The following RREB1 variants were observed in gnomAD, a reference collection of about 807,000 sequenced individuals.
RREB1 encodes ras responsive element binding protein 1.
Under a neutral mutation model 117.8 loss-of-function variants are expected in RREB1, and 27 were observed. That is an observed-to-expected ratio of 0.23 (90% confidence interval 0.17 to 0.32). The LOEUF (loss-of-function observed/expected upper bound fraction) is 0.32. RREB1 is among the 10% of genes least tolerant of loss of function. RREB1 has a pLI of 1.00. For synonymous variants in RREB1, 1,298 were observed against 1,026.7 expected (o/e 1.26, Z -5.05); for missense variants, 2,577 against 2,378.2 (o/e 1.08, Z -1.74).
In RREB1 at chr6:7,211,712, A is replaced by G; in HGVS notation, c.707+3A>G. 6.2e-7 allele frequency: 1 copy of G among 1,614,090 alleles called. No individual in the cohort carries two copies. Among genetic ancestry groups the G allele is most frequent in the Non-Finnish European group, 8.5e-7 (1 of 1,179,902 alleles). ...ACCCATTCAGATAACCCACTAAGGT[A>G]GGAGAAAGAGTGAACTAGACCTTGT... is the stretch of plus-strand genomic sequence containing the variant. On this transcript the variant is annotated splice_donor_region_variant and intron_variant, in intron 8 of 12. Coordinates refer to ENST00000379938, the MANE Select transcript of RREB1 (RefSeq NM_001003699.4).
chr6:7,136,527 C>T, intron 1 of RREB1, among the ~76,000 whole-genome samples: 1 of 152,210 alleles, frequency 6.6e-6, no homozygotes, highest in Non-Finnish European at 1.5e-5. Flanking sequence ...CCGCTATCCT[C>T]AGCTTCCCAA....
chr6:7,162,737 C>A (rs1246508165), intron 1 of RREB1, among the ~76,000 whole-genome samples: 2 of 152,196 alleles, frequency 1.3e-5, no homozygotes, highest in East Asian at 3.8e-4. Flanking sequence ...CCATTTTTCT[C>A]TGCCTACGGA....
At chr6:7,201,290 A>G (rs1215335830) in intron 6 of RREB1, among the ~76,000 whole-genome samples, 1 of 152,156 alleles carries the variant, frequency 6.6e-6, no homozygotes, top group Non-Finnish European at 1.5e-5. Context: ...TAGATCACAA[A>G]ATGAAACCTG....
intron 1 of RREB1, among the ~76,000 whole-genome samples, chr6:7,157,735 T>C (rs1184007119): frequency 6.6e-6 from 1 of 151,756 alleles, no homozygotes; most frequent in Non-Finnish European, 1.5e-5. Flanking sequence ...CCAACCTGGG[T>C]GACAGAGCAA....
chr6:7,146,003 C>T (rs1031519197), intron 1 of RREB1, among the ~76,000 whole-genome samples: 4 of 151,878 alleles, frequency 2.6e-5, no homozygotes, highest in East Asian at 3.9e-4. Flanking sequence ...CTACCCCCTA[C>T]GCCACCTCTC....
At chr6:7,238,531 A>G (rs1011699523) in intron 10 of RREB1, among the ~76,000 whole-genome samples, 1 of 152,158 alleles carries the variant, frequency 6.6e-6, no homozygotes, top group Non-Finnish European at 1.5e-5. Context: ...GCCACCGCAC[A>G]TGACCACAAG....
At chr6:7,219,851 T>G (rs1373406835) in intron 8 of RREB1, among the ~76,000 whole-genome samples, 1 of 151,860 alleles carries the variant, frequency 6.6e-6, no homozygotes, top group East Asian at 1.9e-4. Flanking sequence ...GACCTGGGAG[T>G]CGTCTTCCTC....
chr6:7,229,348 G>A lies in RREB1; in HGVS notation c.1249G>A (p.Ala417Thr). The A allele has an allele frequency of 6.2e-7, 1 of 1,614,188 alleles. No homozygotes were observed. The highest frequency in any genetic ancestry group is 8.5e-7 in the Non-Finnish European group (1 of 1,180,024). ...TNLLSLSPFE[A>T]ASLGGSLTVL... Reference sequence around the variant, plus strand: ...CCTGCTGAGCCTGTCACCTTTCGAAGCTGCTTCCCTAGGCGGTTCTCTCAC... The same window carrying A: ...CCTGCTGAGCCTGTCACCTTTCGAAACTGCTTCCCTAGGCGGTTCTCTCAC... Residue 417 changes from alanine to threonine, a missense_variant, in exon 10 of 13, where the codon GCT becomes ACT. Coordinates refer to ENST00000379938, the MANE Select transcript of RREB1 (RefSeq NM_001003699.4). This position sits in a 1 kb window ranked among gnomAD's most constrained non-coding sequence, Gnocchi z 4.5.
chr6:7,153,059 G>GGT (rs745580286), intron 1 of RREB1, among the ~76,000 whole-genome samples: 26 of 147,546 alleles, frequency 1.8e-4, no homozygotes, highest in South Asian at 4.2e-4. Flanking sequence ...AATGTGTTTT[G>GGT]GTGTGTGTGT....
intron 6 of RREB1, among the ~76,000 whole-genome samples, chr6:7,200,350 A>G (rs1159414072): frequency 2.0e-5 from 3 of 149,932 alleles, no homozygotes; most frequent in Non-Finnish European, 4.4e-5. Flanking sequence ...CAATGGCACA[A>G]TCTCTGCCTC....
rs556743290 is a variant in RREB1, at chr6:7,135,589, C to T, written c.-285+27529C>T. Among the ~76,000 whole-genome samples the T allele has an allele frequency of 1.3e-3, 198 of 152,316 alleles. 2 individuals are homozygous for T. The highest frequency in any genetic ancestry group is 3.4e-3 in the Middle Eastern group (1 of 294). ...AACAGCATTCTTGCACCACTTAACT[C>T]TCCAAGATGCAGGCAGGGGAGGTGA... On this transcript the variant is annotated intron_variant, in intron 1 of 12. Coordinates refer to ENST00000379938, the MANE Select transcript of RREB1 (RefSeq NM_001003699.4).
chr6:7,202,349 G>A (rs1157785364), intron 6 of RREB1, among the ~76,000 whole-genome samples: 1 of 152,222 alleles, frequency 6.6e-6, no homozygotes, highest in South Asian at 2.1e-4. Flanking sequence ...AAGTGAGTAA[G>A]TAACTAGGTC....
At chr6:7,123,256 C>G (rs1451011266) in intron 1 of RREB1, among the ~76,000 whole-genome samples, 1 of 151,976 alleles carries the variant, frequency 6.6e-6, no homozygotes, top group Non-Finnish European at 1.5e-5. Context: ...CTCCCGGGTT[C>G]AAGCGATTCT....
In RREB1 at chr6:7,224,802, T is replaced by G. The variant is rs573258497; in HGVS notation, c.708-1665T>G. On this transcript the variant is annotated intron_variant, in intron 8 of 12. Coordinates refer to ENST00000379938, the MANE Select transcript of RREB1 (RefSeq NM_001003699.4). Reference sequence around the variant, plus strand: ...TCCAGATCTGTCCCTTCCCTGGGCCTTGACCACAGTGGTGAGCTCAGCAGA... The same window carrying G: ...TCCAGATCTGTCCCTTCCCTGGGCCGTGACCACAGTGGTGAGCTCAGCAGA... 3.9e-5 allele frequency among the ~76,000 whole-genome samples: 6 copies of G among 152,272 alleles called. No individual in the cohort carries two copies. In the South Asian group the frequency reaches 1.2e-3, roughly 32 times the overall value.
At chr6:7,126,884 G>A (rs1335209327) in intron 1 of RREB1, among the ~76,000 whole-genome samples, 3 of 152,190 alleles carry the variant, frequency 2.0e-5, no homozygotes, top group Non-Finnish European at 4.4e-5. Context: ...ACTCGTCAGT[G>A]CCTCATAACC....
At chr6:7,128,248 G>A (rs773783441) in intron 1 of RREB1, among the ~76,000 whole-genome samples, 1 of 152,106 alleles carries the variant, frequency 6.6e-6, no homozygotes, top group Non-Finnish European at 1.5e-5. Context: ...ATGATTTTCC[G>A]AATTGTTGGC....
At chr6:7,160,373 C>T (rs1323107237) in intron 1 of RREB1, among the ~76,000 whole-genome samples, 2 of 152,118 alleles carry the variant, frequency 1.3e-5, no homozygotes, top group Non-Finnish European at 2.9e-5. Flanking sequence ...CTTAAAAAAG[C>T]ACTGTATTCT....
intron 1 of RREB1, among the ~76,000 whole-genome samples, chr6:7,130,329 G>A (rs896685357): frequency 1.3e-5 from 2 of 152,134 alleles, no homozygotes; most frequent in African/African-American, 4.8e-5. Context: ...AGCTGGAAGC[G>A]CCTGAAAGAG....
At chr6:7,116,019 G>A (rs183385773) in intron 1 of RREB1, among the ~76,000 whole-genome samples, 162 of 152,210 alleles carry the variant, frequency 1.1e-3, no homozygotes, top group African/African-American at 3.6e-3. Flanking sequence ...AGTCACAAAC[G>A]CCTCCCAAGT....
Sources: allele counts gnomAD v4.1 joint callset (sites outside exome capture counted in the v4.1 genomes callset), GRCh38; gene constraint gnomAD v4.1.1; non-coding constraint Gnocchi (gnomAD v3.1); transcripts MANE v1.5; gene names NCBI Gene and HGNC (gene_info 2026-07-23, HGNC 2026-07-21).